The following MMP26 variants were observed in gnomAD, a reference collection of about 807,000 sequenced individuals.
MMP26 encodes matrix metalloproteinase-26.
A neutral mutation model predicts 31.0 loss-of-function variants in MMP26; 33 were observed. The observed-to-expected ratio is 1.06, with a 90% confidence interval of 0.81 to 1.42. The LOEUF (loss-of-function observed/expected upper bound fraction) is 1.42. MMP26 is among the 40% of genes most tolerant of loss of function. The pLI is 0.00. For synonymous variants in MMP26, 122 were observed against 114.9 expected, an observed-to-expected ratio of 1.06 and a Z score of -0.40; for missense variants, 347 against 316.1, an observed-to-expected ratio of 1.10 and a Z score of -0.74.
At chr11:4,989,451 A>G (rs1321103137) in intron 3 of MMP26, among the ~76,000 whole-genome samples, 197 bp from the exon 4 acceptor site, 1 of 152,112 alleles carries the variant, frequency 6.6e-6, no homozygotes, top group Non-Finnish European at 1.5e-5. Context: ...TTATTCTGTC[A>G]CTTCTCATTC....
intron 2 of MMP26, among the ~76,000 whole-genome samples, chr11:4,838,267 G>T (rs192099003): frequency 7.9e-6 from 1 of 126,540 alleles, no homozygotes; most frequent in Non-Finnish European, 1.6e-5. Flanking sequence ...GCAGTGAGCC[G>T]AGATCTCGCC....
At chr11:4,821,540 C>T (rs1260419330) in intron 2 of MMP26, 2 of 1,611,992 alleles carry the variant, frequency 1.2e-6, no homozygotes, top group Non-Finnish European at 1.7e-6. Context: ...TATGTTGTTG[C>T]CGTCTCTGGA....
chr11:4,891,309 T>C (rs767471447), intron 2 of MMP26, among the ~76,000 whole-genome samples: 61 of 151,994 alleles, frequency 4.0e-4, no homozygotes, highest in Non-Finnish European at 7.1e-4. Context: ...GAAGGTGAAG[T>C]AGAAACAGGC....
chr11:4,871,741 G>A (rs965958657), intron 2 of MMP26: 2 of 152,130 alleles, frequency 1.3e-5, no homozygotes, highest in African/African-American at 4.8e-5. Context: ...CATACTTTGG[G>A]TGAGTTGGGG....
intron 2 of MMP26, among the ~76,000 whole-genome samples, chr11:4,960,413 T>C (rs1298506574): frequency 9.2e-5 from 14 of 151,982 alleles, no homozygotes; most frequent in Admixed American, 3.9e-4. Flanking sequence ...CAAACATCTT[T>C]ATTGACATGC....
rs1223218054 is a variant in MMP26, at chr11:4,952,819, T to G, written c.-144-35249T>G. Among the ~76,000 whole-genome samples, 6 of 125,308 alleles carry G rather than the reference T, an allele frequency of 4.8e-5. 2 individuals carry two copies. Among genetic ancestry groups the G allele is most frequent in the African/African-American group, 1.6e-4 (6 of 36,842 alleles). The allele number at this position is 125,308 out of a possible 152,430, so 82.2% of individuals were successfully genotyped here. A position where few individuals can be genotyped will look rare whatever the true frequency, so the allele number is the denominator to read the frequency against. ...ACCTGGAAGCACATCGTGCATGTAT[T>G]AGAGGTTTGAAAGCAATACTTGTAT... is the stretch of plus-strand genomic sequence containing the variant. On this transcript the variant is annotated intron_variant, in intron 2 of 7. Coordinates refer to ENST00000380390, the MANE Select transcript of MMP26 (RefSeq NM_021801.5).
intron 2 of MMP26, chr11:4,946,664 A>G: frequency 6.3e-7 from 1 of 1,592,156 alleles, no homozygotes; most frequent in Non-Finnish European, 8.6e-7. Context: ...TACTATCCCT[A>G]TTTGGGCAAC....
rs531127543 is a variant in MMP26 at position 4,917,682 on chromosome 11, T to C, written c.-144-70386T>C. Among the ~76,000 whole-genome samples, 5 of 152,262 alleles carry C rather than the reference T, an allele frequency of 3.3e-5. No homozygotes were observed. In the East Asian group the frequency reaches 9.7e-4, roughly 30 times the overall value. On this transcript the variant is annotated intron_variant, in intron 2 of 7. Transcript: ENST00000380390. ...CATATCAAAGTGAATTCAGAAAAGC[T>C]GTGATAAACTTACCTGTCAGGGACA...
chr11:4,854,600 G>A (rs1021250597), intron 2 of MMP26, among the ~76,000 whole-genome samples: 4 of 152,206 alleles, frequency 2.6e-5, no homozygotes, highest in Non-Finnish European at 2.9e-5. Flanking sequence ...TCAGCTCAAG[G>A]AGGCCTGCCT....
chr11:4,964,597 T>G (rs1427710213), intron 2 of MMP26, among the ~76,000 whole-genome samples: 1 of 152,178 alleles, frequency 6.6e-6, no homozygotes, highest in Non-Finnish European at 1.5e-5. Flanking sequence ...TAAATTATTC[T>G]ATTATAAATA....
intron 6 of MMP26, among the ~76,000 whole-genome samples, 168 bp downstream of exon 6, chr11:4,991,664 A>G (rs2499958): frequency 0.49 from 74,787 of 151,962 alleles, 19,753 homozygotes; most frequent in East Asian, 0.7. Context: ...CTGAACACAG[A>G]TGATCCCATA....
At chr11:4,914,614 G>T (rs1406828355) in intron 2 of MMP26, 1 of 778,150 alleles carries the variant, frequency 1.3e-6, no homozygotes, top group Non-Finnish European at 2.1e-6. Flanking sequence ...GTACATGTTT[G>T]TTGAGTAAGT....
At chr11:4,967,348 G>C (rs1846610221) in intron 2 of MMP26, among the ~76,000 whole-genome samples, 1 of 152,172 alleles carries the variant, frequency 6.6e-6, no homozygotes, top group South Asian at 2.1e-4. Flanking sequence ...AGTGCAGCAA[G>C]AATCGCAATT....
At position 4,835,374 on chromosome 11, in the gene MMP26, A is replaced by C. The variant is rs184146744; in HGVS notation, c.-145+68033A>C. On this transcript the variant is annotated intron_variant, in intron 2 of 7. Coordinates refer to ENST00000380390, the MANE Select transcript of MMP26 (RefSeq NM_021801.5). ...TCTGTGTACCACTGTTACACTTTGT[A>C]AATGTGCTTGCTAATACTTTCTCCC... Among the ~76,000 whole-genome samples the C allele has an allele frequency of 2.3e-4, 35 of 152,234 alleles. 1 individual carries two copies. The highest frequency in any genetic ancestry group is 8.4e-4 in the African/African-American group (35 of 41,526).
chr11:4,882,241 C>T (rs544250874), intron 2 of MMP26: 1 of 1,613,950 alleles, frequency 6.2e-7, no homozygotes, highest in East Asian at 2.2e-5. Context: ...TGCTGGAGTC[C>T]TCGGTGCTGG....
At position 4,810,909 on chromosome 11, in the gene MMP26, C is replaced by T. The variant is rs539696587; in HGVS notation, c.-145+43568C>T. ...AAGCATGCAAAGAACGATTTGTTTG[C>T]GAGGAGTGCAATCTGTCAGACTAGA... is the stretch of plus-strand genomic sequence containing the variant. On this transcript the variant is annotated intron_variant, in intron 2 of 7. Transcript: ENST00000380390. Among the ~76,000 whole-genome samples the T allele has an allele frequency of 5.9e-5, 9 of 152,202 alleles. No homozygotes were observed. The East Asian group carries it at 1.4e-3, about 23-fold the overall frequency.
At chr11:4,815,879 G>C (rs2133466252) in intron 2 of MMP26, among the ~76,000 whole-genome samples, 1 of 152,244 alleles carries the variant, frequency 6.6e-6, no homozygotes, top group South Asian at 2.1e-4. Flanking sequence ...GTCCTAATGA[G>C]TCAGAATTTT....
intron 1 of MMP26, among the ~76,000 whole-genome samples, chr11:4,747,797 A>G (rs944369599): frequency 6.6e-6 from 1 of 152,086 alleles, no homozygotes; most frequent in Admixed American, 6.6e-5. Flanking sequence ...CATACAGCAA[A>G]AACAGTACTG....
At chr11:4,883,853 A>T (rs965507669) in intron 2 of MMP26, among the ~76,000 whole-genome samples, 2 of 152,038 alleles carry the variant, frequency 1.3e-5, no homozygotes, top group Non-Finnish European at 2.9e-5. Flanking sequence ...AATTCTTCAC[A>T]TTTTTTTCCA....
Sources: allele counts gnomAD v4.1 joint callset (sites outside exome capture counted in the v4.1 genomes callset), GRCh38; gene constraint gnomAD v4.1.1; transcripts MANE v1.5; gene names NCBI Gene and HGNC (gene_info 2026-07-23, HGNC 2026-07-21).